Variants in LAMB2 observed in about 807,000 individuals in gnomAD.
The protein encoded by LAMB2 is laminin subunit beta 2, also known as laminin subunit beta-2.
Under a neutral mutation model 202.7 loss-of-function variants are expected in LAMB2, and 119 were observed. The ratio of observed to expected loss-of-function variants is 0.59; its 90% CI spans 0.51 to 0.68. The LOEUF (loss-of-function observed/expected upper bound fraction) is 0.68, where lower values mean the gene tolerates loss of function less well. Ranked by LOEUF, LAMB2 falls within the 30% of genes least tolerant of loss-of-function variation. The pLI is 0.00. For missense variants in LAMB2, 2,124 were observed against 2,410.6 expected, an observed-to-expected ratio of 0.88 and a Z score of 2.49; for synonymous variants, 818 against 902.2, an observed-to-expected ratio of 0.91 and a Z score of 1.67.
chr3:49,132,513 T>C lies in LAMB2; in HGVS notation c.227A>G (p.Tyr76Cys). Residue 76 changes from tyrosine (Y) to cysteine (C), a missense_variant, in exon 2 of 32, where the codon TAC becomes TGC. This residue lies in a region of LAMB2 where 166 missense variants were observed against 158.2 expected (regional missense o/e 1.05). Coordinates refer to ENST00000305544, the MANE Select transcript of LAMB2 (RefSeq NM_002292.4). The surrounding 1 kb of genome is among the most constrained non-coding windows in gnomAD (Gnocchi z 4.6). ...STCGLNGPQPYCIVSHLQDEK... is the reference protein window; with the variant it reads ...STCGLNGPQPCCIVSHLQDEK... The stretch of plus-strand genomic sequence containing the variant: ...CACCTGCAGGTGACTGACGATGCAG[T>C]AGGGCTGGGGGCCATTCAGGCCACA... 6.2e-7 allele frequency: 1 copy of C among 1,613,860 alleles called. No individual in the cohort carries two copies. Among genetic ancestry groups the C allele is most frequent in the Non-Finnish European group, 8.5e-7 (1 of 1,180,020 alleles).
In LAMB2 at chr3:49,131,474, G is replaced by A; in HGVS notation, c.649-32C>T. 1 of 1,613,918 alleles carries A rather than the reference G, an allele frequency of 6.2e-7. No individual in the cohort carries two copies. Among genetic ancestry groups the A allele is most frequent in the East Asian group, 2.2e-5 (1 of 44,882 alleles). On this transcript the variant is annotated intron_variant, in intron 5 of 31. Coordinates refer to ENST00000305544, the MANE Select transcript of LAMB2 (RefSeq NM_002292.4). This position sits in a 1 kb window ranked among gnomAD's most constrained non-coding sequence, Gnocchi z 5.0. ...AAGCAGGGAGTTCATAGTCACACTGGACCTTGCCTCAGGCCCATCATCCCC... is the reference window on the plus strand; with the variant it reads ...AAGCAGGGAGTTCATAGTCACACTGAACCTTGCCTCAGGCCCATCATCCCC...
At position 49,130,755 on chromosome 3, in the gene LAMB2, T is replaced by C. The variant is rs2045471679; in HGVS notation, c.1021A>G (p.Ser341Gly). The C allele has an allele frequency of 6.2e-7, 1 of 1,613,934 alleles. No homozygotes were observed. The highest frequency in any genetic ancestry group is 8.5e-7 in the Non-Finnish European group (1 of 1,180,022). ...LPWRPAEDGH[S>G]HACRKCECHG... ...TCTCACTCACTCCTACAGGCATGAC[T>C]ATGGCCGTCCTCAGCCGGACGCCAG... The change falls in exon 8 of 32, where the codon AGT (serine) becomes GGT (glycine). Residue 341 changes from serine to glycine, a missense_variant. Coordinates refer to ENST00000305544, the MANE Select transcript of LAMB2 (RefSeq NM_002292.4). The surrounding 1 kb of genome is among the most constrained non-coding windows in gnomAD (Gnocchi z 5.0).
In LAMB2 at chr3:49,126,452, G is replaced by C; in HGVS notation, c.2064C>G (p.Ser688=). Residue 688 remains serine (S), a synonymous_variant, in exon 16 of 32, where the codon TCC becomes TCG. Transcript: ENST00000305544. ...PNPVCLEPGI[S]YKLHLKLVRT... ...GTACCAGCTTCAGATGCAGCTTGTA[G>C]GAGATACCAGGCTCAAGGCAGACAG... is the stretch of plus-strand genomic sequence containing the variant. 1 of 1,614,194 alleles carries C rather than the reference G, an allele frequency of 6.2e-7. No homozygotes were observed. The highest frequency in any genetic ancestry group is 8.5e-7 in the Non-Finnish European group (1 of 1,180,034).
Position 49,125,280 on chromosome 3 carries a change from T to G in LAMB2, c.2693A>C (p.Asp898Ala), listed in dbSNP as rs1193406651. The G allele has an allele frequency of 6.2e-7, 1 of 1,613,966 alleles. No individual in the cohort carries two copies. The highest frequency in any genetic ancestry group is 8.5e-7 in the Non-Finnish European group (1 of 1,180,038). ...THTGACLGCR[D>A]HTGGEHCERC... ...TTCACAGTGCTCACCCCCTGTGTGA[T>G]CACGGCAGCCCAGGCAAGCGCCTGT... The change falls in exon 19 of 32, where the codon GAT becomes GCT. Residue 898 changes from aspartate (D) to alanine (A), a missense_variant. Physicochemically the swap from Asp to Ala is moderately radical, Grantham distance 126. Around this residue, in one of 3 missense-constraint regions of LAMB2, gnomAD observed 1,702 missense variants for 1,896.3 expected, o/e 0.90. Transcript: ENST00000305544.
rs1201788182 is a variant in LAMB2, at chr3:49,132,662, C to G, written c.78G>C (p.Val26=). 1 of 1,614,188 alleles carries G rather than the reference C, an allele frequency of 6.2e-7. No homozygotes were observed. Among genetic ancestry groups the G allele is most frequent in the African/African-American group, 1.3e-5 (1 of 75,060 alleles). Residue 26 remains valine, a splice_region_variant and synonymous_variant, in exon 2 of 32, where the codon GTG becomes GTC. Coordinates refer to ENST00000305544, the MANE Select transcript of LAMB2 (RefSeq NM_002292.4). The surrounding 1 kb of genome is among the most constrained non-coding windows in gnomAD (Gnocchi z 4.6). ...WELRLGLLLS[V]LAATLAQAPA... ...GGGCCTGTGCCAGTGTGGCAGCCAG[C>G]ACTGGGGACAGTAGCTCAGTCAGTT...
chr3:49,125,288 G>A lies in LAMB2; in HGVS notation c.2685C>T (p.Gly895=), dbSNP rs2045400389. 6.2e-7 allele frequency: 1 copy of A among 1,613,826 alleles called. No homozygotes were observed. The highest frequency in any genetic ancestry group is 1.1e-5 in the South Asian group (1 of 91,090). The change falls in exon 19 of 32, where the codon GGC becomes GGT. Residue 895 remains glycine (G), a synonymous_variant. Transcript: ENST00000305544. ...GCTCACCCCCTGTGTGATCACGGCA[G>A]CCCAGGCAAGCGCCTGTGTGGGTGT... is the stretch of plus-strand genomic sequence containing the variant. ...ECNTHTGACL[G]CRDHTGGEHC...
chr3:49,126,814 C>G (rs1381364580), intron 15 of LAMB2, among the ~76,000 whole-genome samples: 1 of 152,168 alleles, frequency 6.6e-6, no homozygotes, highest in Non-Finnish European at 1.5e-5. Context: ...CTGACCCCGA[C>G]CTACAACCTA....
At chr3:49,126,934 C>G (rs935241233) in intron 15 of LAMB2, among the ~76,000 whole-genome samples, 1 of 152,062 alleles carries the variant, frequency 6.6e-6, no homozygotes, top group Non-Finnish European at 1.5e-5. Context: ...TTATCCCATC[C>G]CAAAAATTGT....
rs1187475454 is a variant in LAMB2, at chr3:49,121,175, A to T, written c.*51T>A. On this transcript the variant is annotated 3_prime_UTR_variant, in exon 32 of 32. Transcript: ENST00000305544. ...GCCAAGAGCTCTTCAGTGCATAGGC[A>T]GACATGCATGTGGGGCAGTGCTAGG... The T allele has an allele frequency of 6.2e-7, 1 of 1,607,744 alleles. No individual in the cohort carries two copies. Among genetic ancestry groups the T allele is most frequent in the South Asian group, 1.1e-5 (1 of 90,902 alleles).
chr3:49,125,584 G>T lies in LAMB2; in HGVS notation c.2489-100C>A, dbSNP rs528232104. ...GGGAGTGTGAGTAGTGGGAGTCTAG[G>T]TGGGAAGGTCAGGAAATGGAAGAGA... is the stretch of plus-strand genomic sequence containing the variant. On this transcript the variant is annotated intron_variant, in intron 18 of 31. Coordinates refer to ENST00000305544, the MANE Select transcript of LAMB2 (RefSeq NM_002292.4). The T allele has an allele frequency of 9.2e-5, 128 of 1,394,718 alleles. 2 individuals carry two copies. The South Asian group carries it at 1.5e-3, about 17-fold the overall frequency. The allele number at this position is 1,394,718 out of a possible 1,614,324, so 86.4% of individuals were successfully genotyped here.
Position 49,125,910 on chromosome 3 carries a change from G to A in LAMB2, c.2345-20C>T. The stretch of plus-strand genomic sequence containing the variant: ...GACATGCTGTGGGGAGGAGGGTTGG[G>A]CCAAGTCAGGCTGGGTCCCCACCTC... On this transcript the variant is annotated intron_variant, in intron 17 of 31. Coordinates refer to ENST00000305544, the MANE Select transcript of LAMB2 (RefSeq NM_002292.4). The A allele has an allele frequency of 6.2e-7, 1 of 1,614,016 alleles. No homozygotes were observed. Among genetic ancestry groups the A allele is most frequent in the Non-Finnish European group, 8.5e-7 (1 of 1,179,978 alleles).
At chr3:49,121,626 C>T (rs2045253763) in intron 30 of LAMB2, 34 bp from the exon 31 acceptor site, 1 of 1,614,040 alleles carries the variant, frequency 6.2e-7, no homozygotes, top group Non-Finnish European at 8.5e-7. Context: ...AGCGTGGTAG[C>T]TCAGTGGAGG....
Position 49,122,965 on chromosome 3 carries a change from C to G in LAMB2, c.4312G>C (p.Gly1438Arg). ...GCTGCCCCATTGCAGCTGAGGCCCC[C>G]ACAGCGCGGCTGCCCATCCTCATCT... Reference protein sequence around the residue: ...CRDEDGQPRCGGLSCNGAAAT... With the variant: ...CRDEDGQPRCRGLSCNGAAAT... The change falls in exon 27 of 32, where the codon GGG becomes CGG. Residue 1438 changes from glycine (G) to arginine (R), a missense_variant. Physicochemically the swap from Gly to Arg is moderately radical, Grantham distance 125. Transcript: ENST00000305544. 1.2e-6 allele frequency: 2 copies of G among 1,608,880 alleles called. No individual in the cohort carries two copies. Among genetic ancestry groups the G allele is most frequent in the Non-Finnish European group, 1.7e-6 (2 of 1,179,930 alleles).
chr3:49,130,055 T>G lies in LAMB2; in HGVS notation c.1226-37A>C. The G allele has an allele frequency of 6.2e-7, 1 of 1,608,720 alleles. No individual in the cohort carries two copies. The highest frequency in any genetic ancestry group is 8.5e-7 in the Non-Finnish European group (1 of 1,175,626). ...AAGAGATACAGGGTCACTCACCCTATCTCAACTAGCTCACTGCCAGTCCTC... is the reference window on the plus strand; with the variant it reads ...AAGAGATACAGGGTCACTCACCCTAGCTCAACTAGCTCACTGCCAGTCCTC... On this transcript the variant is annotated intron_variant, in intron 9 of 31. Coordinates refer to ENST00000305544, the MANE Select transcript of LAMB2 (RefSeq NM_002292.4). This position sits in a 1 kb window ranked among gnomAD's most constrained non-coding sequence, Gnocchi z 5.0.
In LAMB2 at chr3:49,131,739, T is replaced by TAG. The variant is rs1467540491; in HGVS notation, c.460-18_460-17dup. ...GGCGAAATGTCTGGGTAGGGGGGCA[T>TAG]AGCTGATCAGCAGGCACCAGGACCC... On this transcript the variant is annotated splice_polypyrimidine_tract_variant and intron_variant, in intron 4 of 31. Coordinates refer to ENST00000305544, the MANE Select transcript of LAMB2 (RefSeq NM_002292.4). This position sits in a 1 kb window ranked among gnomAD's most constrained non-coding sequence, Gnocchi z 5.0. 5 of 1,612,222 alleles carry TAG rather than the reference T, an allele frequency of 3.1e-6. No individual in the cohort carries two copies. In the Admixed American group the frequency reaches 5.0e-5, roughly 16 times the overall value.
Position 49,124,885 on chromosome 3 carries a change from G to T in LAMB2, c.2925C>A (p.Asp975Glu). 10 of 1,614,084 alleles carry T rather than the reference G, an allele frequency of 6.2e-6. No individual in the cohort carries two copies. The highest frequency in any genetic ancestry group is 8.5e-6 in the Non-Finnish European group (10 of 1,180,026). The change falls in exon 21 of 32, where the codon GAC (aspartate) becomes GAA (glutamate). Residue 975 changes from aspartate to glutamate, a missense_variant. Coordinates refer to ENST00000305544, the MANE Select transcript of LAMB2 (RefSeq NM_002292.4). The part of the protein sequence containing the change: ...CEACAPGHFG[D>E]PSRPGGRCQL... ...GGCACCGGCCACCTGGCCTTGATGG[G>T]TCCCCAAAGTGCCCAGGGGCACAAG... is the stretch of plus-strand genomic sequence containing the variant.
In LAMB2 at chr3:49,131,546, T is replaced by C. The variant is rs760474039; in HGVS notation, c.637A>G (p.Thr213Ala). The C allele has an allele frequency of 6.2e-7, 1 of 1,613,976 alleles. No homozygotes were observed. Among genetic ancestry groups the C allele is most frequent in the Non-Finnish European group, 8.5e-7 (1 of 1,180,024 alleles). Residue 213 changes from threonine (T) to alanine (A), a missense_variant, in exon 5 of 32, where the codon ACT becomes GCT. Thr to Ala is a moderately conservative substitution (Grantham distance 58). Around this residue, in one of 3 missense-constraint regions of LAMB2, gnomAD observed 256 missense variants for 356.1 expected, o/e 0.72. Coordinates refer to ENST00000305544, the MANE Select transcript of LAMB2 (RefSeq NM_002292.4). This position sits in a 1 kb window ranked among gnomAD's most constrained non-coding sequence, Gnocchi z 5.0. ...ATGCCAGCCCTCACCTCGCCTTCAG[T>C]GGATGGCTCAATCTCTGAGTAGCGG... is the stretch of plus-strand genomic sequence containing the variant. ...ESRYSEIEPS[T>A]EGEVIYRVLD...
chr3:49,123,917 T>C lies in LAMB2; in HGVS notation c.3608A>G (p.Asp1203Gly). 1 of 1,613,290 alleles carries C rather than the reference T, an allele frequency of 6.2e-7. No individual in the cohort carries two copies. Among genetic ancestry groups the C allele is most frequent in the Non-Finnish European group, 8.5e-7 (1 of 1,180,028 alleles). The change falls in exon 24 of 32, where the codon GAC (aspartate) becomes GGC (glycine). Residue 1203 changes from aspartate (D) to glycine (G), a missense_variant. By Grantham distance (94) the Asp-to-Gly change is moderately conservative. Transcript: ENST00000305544. ...TAGGCGCTGTGTACGGGCTGCCAAG[T>C]CCTGCACCACTCGGTCCCAATCCCC... The part of the protein sequence containing the change: ...CFGDWDRVVQ[D>G]LAARTQRLEQ...
chr3:49,132,071 G>T lies in LAMB2; in HGVS notation c.459+45C>A. On this transcript the variant is annotated intron_variant, in intron 4 of 31. Coordinates refer to ENST00000305544, the MANE Select transcript of LAMB2 (RefSeq NM_002292.4). This position sits in a 1 kb window ranked among gnomAD's most constrained non-coding sequence, Gnocchi z 4.6. ...TGAGGCTCTGTCCAGGGGCAATGGAGAGCCAAGCAGGGTGATTCGGGCAGG... is the reference window on the plus strand; with the variant it reads ...TGAGGCTCTGTCCAGGGGCAATGGATAGCCAAGCAGGGTGATTCGGGCAGG... The T allele has an allele frequency of 6.3e-7, 1 of 1,577,372 alleles. No individual in the cohort carries two copies. Among genetic ancestry groups the T allele is most frequent in the South Asian group, 1.1e-5 (1 of 90,112 alleles).
Sources: gnomAD v4.1 joint callset for allele counts (sites outside exome capture counted in the v4.1 genomes callset) on GRCh38, gnomAD v4.1.1 for gene constraint, gnomAD v4.1.1 regional missense constraint, Gnocchi (gnomAD v3.1) non-coding constraint, MANE v1.5 for transcripts, NCBI Gene and HGNC (gene_info 2026-07-23, HGNC 2026-07-21) for gene names.